ZNF512: variants seen among roughly 807,000 people sequenced by gnomAD.
The protein encoded by ZNF512 is zinc finger protein 512.
A neutral mutation model predicts 77.5 loss-of-function variants in ZNF512; 25 were observed. The observed-to-expected ratio is 0.32, with a 90% CI of 0.23 to 0.45. The LOEUF (loss-of-function observed/expected upper bound fraction) is 0.45. ZNF512 is among the 20% of genes least tolerant of loss of function. The probability of loss-of-function intolerance (pLI) is 1.00; values close to 1 mark genes in which losing one functional copy is unlikely to be tolerated. For missense variants in ZNF512, 483 were observed against 692.6 expected (o/e 0.70, Z 3.40); for synonymous variants, 246 against 239.9 (o/e 1.03, Z -0.24).
intron 13 of ZNF512, among the ~76,000 whole-genome samples, chr2:27,619,239 A>G (rs140340897): frequency 0.012 from 1,783 of 152,190 alleles, 26 homozygotes; most frequent in African/African-American, 0.036. Context: ...GTGAAACCCC[A>G]TCTCTACTAA....
At chr2:27,592,585 G>A (rs1671638664) in intron 2 of ZNF512, among the ~76,000 whole-genome samples, 2 of 151,244 alleles carry the variant, frequency 1.3e-5, no homozygotes, top group South Asian at 2.1e-4. Context: ...AAAGTGCTGG[G>A]ATTACAGGTG....
At chr2:27,586,403 G>A (rs1671331439) in intron 2 of ZNF512, among the ~76,000 whole-genome samples, 2 of 152,054 alleles carry the variant, frequency 1.3e-5, no homozygotes, top group Non-Finnish European at 2.9e-5. Flanking sequence ...CTAAGTTTTT[G>A]TATTTTAGTA....
intron 4 of ZNF512, 105 bp from the exon 5 acceptor site, chr2:27,599,865 T>A: frequency 7.4e-7 from 1 of 1,346,490 alleles, no homozygotes; most frequent in Non-Finnish European, 1.1e-6. Context: ...AGGCAGTCAG[T>A]CGGTTGAGGG....
At chr2:27,617,381 T>A in intron 12 of ZNF512, 92 bp from the exon 13 acceptor site, 1 of 701,368 alleles carries the variant, frequency 1.4e-6, no homozygotes, top group Non-Finnish European at 2.6e-6. Context: ...GAAGTAGAAT[T>A]CCCTCTTTTC....
intron 2 of ZNF512, among the ~76,000 whole-genome samples, chr2:27,590,239 A>G (rs1273247615): frequency 6.6e-6 from 1 of 152,166 alleles, no homozygotes; most frequent in Non-Finnish European, 1.5e-5. Context: ...AGGCTCTATT[A>G]TTAGGCACAT....
At chr2:27,601,010 A>G (rs1403328614) in intron 6 of ZNF512, among the ~76,000 whole-genome samples, 195 bp downstream of exon 6, 1 of 152,208 alleles carries the variant, frequency 6.6e-6, no homozygotes, top group Non-Finnish European at 1.5e-5. Context: ...TTAGCTTTTT[A>G]TATGTAGACC....
intron 2 of ZNF512, among the ~76,000 whole-genome samples, chr2:27,587,302 T>C (rs7591258): frequency 0.071 from 10,519 of 147,772 alleles, 1,356 homozygotes; most frequent in African/African-American, 0.25. Flanking sequence ...TTTGAGACAG[T>C]GTCTCCCTCT....
chr2:27,586,434 T>A (rs143649951), intron 2 of ZNF512, among the ~76,000 whole-genome samples: 3 of 152,278 alleles, frequency 2.0e-5, no homozygotes, highest in Non-Finnish European at 4.4e-5. Context: ...TTCACAGTGT[T>A]GCCCAGGCTG....
intron 10 of ZNF512, among the ~76,000 whole-genome samples, chr2:27,610,502 G>GTGTA (rs1672574511): frequency 1.7e-5 from 2 of 115,732 alleles, no homozygotes; most frequent in African/African-American, 7.0e-5. Context: ...GTGTATATGT[G>GTGTA]TATATATATG....
chr2:27,592,164 T>C (rs1671614094), intron 2 of ZNF512, among the ~76,000 whole-genome samples: 1 of 151,736 alleles, frequency 6.6e-6, no homozygotes, highest in South Asian at 2.1e-4. Context: ...TAATTTTTTG[T>C]ATTTTTAATA....
In ZNF512 at chr2:27,599,619, C is replaced by T; in HGVS notation, c.314C>T (p.Pro105Leu). Reference sequence around the variant, plus strand: ...GTATCAGCCAAGGGGAAAAGGAAACCCAGGCAGGAAGAAGATGAAGACTAT... The same window carrying T: ...GTATCAGCCAAGGGGAAAAGGAAACTCAGGCAGGAAGAAGATGAAGACTAT... ...GGVSAKGKRK[P>L]RQEEDEDYRE... Residue 105 changes from proline to leucine, a missense_variant, in exon 4 of 14, where the codon CCC becomes CTC. Physicochemically the swap from Pro to Leu is moderately conservative, Grantham distance 98. Coordinates refer to ENST00000355467, the MANE Select transcript of ZNF512 (RefSeq NM_032434.4). The T allele has an allele frequency of 6.2e-7, 1 of 1,614,060 alleles. No individual in the cohort carries two copies. The highest frequency in any genetic ancestry group is 2.2e-5 in the East Asian group (1 of 44,884).
At position 27,621,018 on chromosome 2, in the gene ZNF512, G is replaced by A. The variant is rs572254328; in HGVS notation, c.1396-135G>A. On this transcript the variant is annotated intron_variant, in intron 13 of 13. Transcript: ENST00000355467. ...TCTCCATCTTAAAATATAGAATCCTGAGGTATGGTTCCATATCTGTTTCCT... is the reference window on the plus strand; with the variant it reads ...TCTCCATCTTAAAATATAGAATCCTAAGGTATGGTTCCATATCTGTTTCCT... 3.1e-5 allele frequency: 29 copies of A among 923,868 alleles called. No homozygotes were observed. In the Admixed American group the frequency reaches 7.3e-4, roughly 23 times the overall value. 57.2% of individuals were successfully genotyped at this position (923,868 alleles called of 1,614,324 possible).
intron 2 of ZNF512, among the ~76,000 whole-genome samples, chr2:27,587,586 G>A (rs1053864364): frequency 8.7e-5 from 13 of 150,168 alleles, no homozygotes; most frequent in Non-Finnish European, 1.2e-4. Flanking sequence ...CTAATTTGTG[G>A]TTTTTAATTC....
In ZNF512 at chr2:27,621,229, A is replaced by C. The variant is rs1384719256; in HGVS notation, c.1472A>C (p.Glu491Ala). 1 of 1,614,244 alleles carries C rather than the reference A, an allele frequency of 6.2e-7. No individual in the cohort carries two copies. The highest frequency in any genetic ancestry group is 1.3e-5 in the African/African-American group (1 of 75,068). Residue 491 changes from glutamate (E) to alanine (A), a missense_variant, in exon 14 of 14, where the codon GAA (glutamate) becomes GCA (alanine). This residue lies in a region of ZNF512 where 324 missense variants were observed against 525.0 expected (regional missense o/e 0.62). Coordinates refer to ENST00000355467, the MANE Select transcript of ZNF512 (RefSeq NM_032434.4). ...LMKIKQRQQE[E>A]EKRRQQHRSR... ...AAGATAAAGCAGCGGCAGCAAGAAGAAGAAAAGCGGAGGCAGCAGCACAGG... is the reference window on the plus strand; with the variant it reads ...AAGATAAAGCAGCGGCAGCAAGAAGCAGAAAAGCGGAGGCAGCAGCACAGG...
chr2:27,590,331 T>C (rs1671519224), intron 2 of ZNF512, among the ~76,000 whole-genome samples: 1 of 152,192 alleles, frequency 6.6e-6, no homozygotes, highest in South Asian at 2.1e-4. Flanking sequence ...CAGTACTCTT[T>C]GTCTTGAAGT....
At chr2:27,609,608 C>G (rs61025907) in intron 10 of ZNF512, among the ~76,000 whole-genome samples, 198 of 152,292 alleles carry the variant, frequency 1.3e-3, no homozygotes, top group African/African-American at 4.5e-3. Flanking sequence ...GTGGCTCACA[C>G]CTGTAATCCC....
chr2:27,611,394 A>T (rs1333564258), intron 10 of ZNF512, among the ~76,000 whole-genome samples: 1 of 152,070 alleles, frequency 6.6e-6, no homozygotes, highest in Non-Finnish European at 1.5e-5. Flanking sequence ...TACTTTCTCA[A>T]GATTAGGTTG....
chr2:27,607,910 T>G lies in ZNF512; in HGVS notation c.1002T>G (p.Ser334Arg), dbSNP rs771458241. The G allele has an allele frequency of 5.0e-6, 8 of 1,613,516 alleles. No individual in the cohort carries two copies. In the East Asian group the frequency reaches 1.3e-4, roughly 27 times the overall value. The change falls in exon 10 of 14, where the codon AGT becomes AGG. Residue 334 changes from serine (S) to arginine (R), a missense_variant. Physicochemically the swap from Ser to Arg is moderately radical, Grantham distance 110. Coordinates refer to ENST00000355467, the MANE Select transcript of ZNF512 (RefSeq NM_032434.4). The stretch of plus-strand genomic sequence containing the variant: ...AGGAGATGAACCTAGAGTCAAAGAG[T>G]GGGGGCCGAGTTCAGAGACGTTCTG... ...CLKEMNLESK[S>R]GGRVQRRSAK...
At chr2:27,598,771 A>T (rs1483289226) in intron 3 of ZNF512, among the ~76,000 whole-genome samples, 3 of 151,726 alleles carry the variant, frequency 2.0e-5, no homozygotes, top group Admixed American at 2.0e-4. Context: ...TGCTAATCTT[A>T]CTCCTCTAGA....
Sources: allele counts gnomAD v4.1 joint callset (sites outside exome capture counted in the v4.1 genomes callset), GRCh38; gene constraint gnomAD v4.1.1; regional missense constraint gnomAD v4.1.1; transcripts MANE v1.5; gene names NCBI Gene and HGNC (gene_info 2026-07-23, HGNC 2026-07-21).